Variants in RNF19A observed in about 807,000 individuals in gnomAD.
RNF19A encodes E3 ubiquitin-protein ligase RNF19A.
In RNF19A, 32 loss-of-function variants were observed where a neutral mutation model predicts 75.7. The ratio of observed to expected loss-of-function variants is 0.42; its 90% confidence interval spans 0.32 to 0.57. The LOEUF (loss-of-function observed/expected upper bound fraction) is 0.57. Ranked by LOEUF, RNF19A falls within the 20% of genes least tolerant of loss-of-function variation. The pLI is 0.10. For missense variants in RNF19A, 782 were observed against 1,036.3 expected, an observed-to-expected ratio of 0.75 and a Z score of 3.37; for synonymous variants, 335 against 345.2, an observed-to-expected ratio of 0.97 and a Z score of 0.33.
At position 100,287,497 on chromosome 8, in the gene RNF19A, T is replaced by C. The variant is rs1224229469; in HGVS notation, c.674+4A>G. 2 of 1,576,854 alleles carry C rather than the reference T, an allele frequency of 1.3e-6. No individual in the cohort carries two copies. The highest frequency in any genetic ancestry group is 1.7e-6 in the Non-Finnish European group (2 of 1,161,406). ...TCAAGAAAAATCAAACATTATCTTC[T>C]TACCCACAGTCTGGAGCTGGACACC... On this transcript the variant is annotated splice_donor_region_variant and intron_variant, in intron 2 of 9. Transcript: ENST00000341084. The surrounding 1 kb of genome is among the most constrained non-coding windows in gnomAD (Gnocchi z 4.1).
At chr8:100,290,274 G>C (rs1189699772) in intron 1 of RNF19A, among the ~76,000 whole-genome samples, 1 of 152,094 alleles carries the variant, frequency 6.6e-6, no homozygotes, top group Non-Finnish European at 1.5e-5. Flanking sequence ...GCTAATTTTT[G>C]TATTTTTAGT....
chr8:100,310,331 C>G (rs911528532), upstream of RNF19A: 22 of 804,226 alleles, frequency 2.7e-5, no homozygotes, highest in Non-Finnish European at 3.3e-5. Context: ...GGCCCCCACG[C>G]CTGTCCCTGG....
rs1822527297 is a variant in RNF19A, at chr8:100,325,867, C to T, written c.-243+10241G>A. Among the ~76,000 whole-genome samples the T allele has an allele frequency of 6.6e-6, 1 of 152,084 alleles. No individual in the cohort carries two copies. Among genetic ancestry groups the T allele is most frequent in the Non-Finnish European group, 1.5e-5 (1 of 68,028 alleles). ...TTTAACTCATTTTCTTCCTTCTCTC[C>T]TCTTTTTAAAATTTATTTAATTAAC... On this transcript the variant is annotated intron_variant, in intron 1 of 3. Coordinates refer to the RNF19A transcript ENST00000519527. The surrounding 1 kb of genome is among the most constrained non-coding windows in gnomAD (Gnocchi z 4.3).
chr8:100,316,833 C>T (rs1055514535), intron 1 of RNF19A, among the ~76,000 whole-genome samples: 2 of 152,180 alleles, frequency 1.3e-5, no homozygotes, highest in Non-Finnish European at 2.9e-5. Context: ...GGGTGGTGCT[C>T]CTGGGGGAGG....
intron 5 of RNF19A, among the ~76,000 whole-genome samples, chr8:100,265,215 A>G (rs978418771): frequency 6.6e-6 from 1 of 152,210 alleles, no homozygotes; most frequent in African/African-American, 2.4e-5. Context: ...CTTCTAGGGA[A>G]GGTTTCTTTT....
At position 100,258,666 on chromosome 8, in the gene RNF19A, C is replaced by T. The variant is rs1819564245; in HGVS notation, c.2407G>A (p.Gly803Arg). 1.2e-6 allele frequency: 2 copies of T among 1,613,872 alleles called. No individual in the cohort carries two copies. Among genetic ancestry groups the T allele is most frequent in the Admixed American group, 1.7e-5 (1 of 59,994 alleles). Residue 803 changes from glycine to arginine, a missense_variant, in exon 10 of 10, where the codon GGA becomes AGA. Gly to Arg is a moderately radical substitution (Grantham distance 125). Coordinates refer to ENST00000341084, the MANE Select transcript of RNF19A (RefSeq NM_183419.4). The surrounding 1 kb of genome is among the most constrained non-coding windows in gnomAD (Gnocchi z 4.3). ...NHIAEEHGNN[G>R]IKPNVDLYFG... ...TATAAATCAACATTAGGTTTTATTC[C>T]ATTGTTACCATGTTCTTCAGCAATA...
intron 1 of RNF19A, among the ~76,000 whole-genome samples, chr8:100,299,921 T>C (rs1006506015): frequency 2.0e-5 from 3 of 152,130 alleles, no homozygotes; most frequent in Admixed American, 2.0e-4. Context: ...AAGGACACCA[T>C]GAGTAAGGGG....
rs374764719 is a variant in RNF19A at position 100,317,104 on chromosome 8, G to A, written c.-242-3732C>T. On this transcript the variant is annotated intron_variant, in intron 1 of 3. Transcript: ENST00000519527. This position sits in a 1 kb window ranked among gnomAD's most constrained non-coding sequence, Gnocchi z 4.3. ...GCCAAGCCCACGCCCACGCCCACCC[G>A]GAACTCCAGCTGGCCCGCAAGCGCC... 3.0e-4 allele frequency among the ~76,000 whole-genome samples: 31 copies of A among 103,992 alleles called. No individual in the cohort carries two copies. The highest frequency in any genetic ancestry group is 8.7e-4 in the African/African-American group (30 of 34,426). The allele number at this position is 103,992 out of a possible 152,430, so 68.2% of individuals were successfully genotyped here. A position where few individuals can be genotyped will look rare whatever the true frequency, so the allele number is the denominator to read the frequency against.
At chr8:100,307,179 C>CA (rs1397099748) in intron 1 of RNF19A, among the ~76,000 whole-genome samples, 1 of 152,190 alleles carries the variant, frequency 6.6e-6, no homozygotes, top group African/African-American at 2.4e-5. Context: ...CTGCATTTGA[C>CA]AGTCAGTTTT....
intron 1 of RNF19A, among the ~76,000 whole-genome samples, chr8:100,334,343 C>CT (rs1193861827): frequency 5.9e-5 from 9 of 152,182 alleles, no homozygotes; most frequent in African/African-American, 1.9e-4. Context: ...TGTTTCCACA[C>CT]AGTGCTGAGC....
intron 2 of RNF19A, among the ~76,000 whole-genome samples, chr8:100,276,740 A>G (rs867132273): frequency 5.5e-4 from 83 of 152,026 alleles, no homozygotes; most frequent in Middle Eastern, 6.8e-3. Context: ...AAAAAAAAAA[A>G]AAAGAAAAAA....
At chr8:100,304,864 G>A (rs1003678111) in intron 1 of RNF19A, among the ~76,000 whole-genome samples, 5 of 152,198 alleles carry the variant, frequency 3.3e-5, no homozygotes, top group African/African-American at 9.7e-5. Flanking sequence ...TAACAGTCTT[G>A]TCTGAGTAGC....
Position 100,282,641 on chromosome 8 carries a change from A to G in RNF19A, c.674+4860T>C, listed in dbSNP as rs531507677. Among the ~76,000 whole-genome samples, 36 of 149,272 alleles carry G rather than the reference A, an allele frequency of 2.4e-4. 3 individuals are homozygous for G. The South Asian group carries it at 7.5e-3, about 31-fold the overall frequency. On this transcript the variant is annotated intron_variant, in intron 2 of 9. Coordinates refer to ENST00000341084, the MANE Select transcript of RNF19A (RefSeq NM_183419.4). ...TAAATCTGTTTTCTAAGTCCCATGTACTTGTTTTCTCTGGATAAAATCAAA... is the reference window on the plus strand; with the variant it reads ...TAAATCTGTTTTCTAAGTCCCATGTGCTTGTTTTCTCTGGATAAAATCAAA...
At chr8:100,262,084 A>T (rs945136944) in intron 7 of RNF19A, among the ~76,000 whole-genome samples, 1 of 152,222 alleles carries the variant, frequency 6.6e-6, no homozygotes, top group African/African-American at 2.4e-5. Flanking sequence ...CTAGGTCAGT[A>T]AGAATAGGCT....
intron 1 of RNF19A, among the ~76,000 whole-genome samples, chr8:100,304,741 A>G (rs960037415): frequency 1.3e-5 from 2 of 152,196 alleles, no homozygotes; most frequent in East Asian, 1.9e-4. Context: ...ACTGATTCCA[A>G]TGTGGGAGGT....
intron 1 of RNF19A, among the ~76,000 whole-genome samples, chr8:100,297,707 T>C (rs1226749614): frequency 2.0e-5 from 3 of 152,230 alleles, no homozygotes; most frequent in African/African-American, 7.2e-5. Flanking sequence ...GTACTACACA[T>C]GGTTCTTTGT....
Position 100,324,864 on chromosome 8 carries a change from CTCTT to C in RNF19A, c.-243+11240_-243+11243del, listed in dbSNP as rs1413705441. The stretch of plus-strand genomic sequence containing the variant: ...CTCCCTCCCTCCCTCCTTCCTTTCT[CTCTT>C]TCTCTTTTTTTTCTTTCTTTCTCTC... On this transcript the variant is annotated intron_variant, in intron 1 of 3. Coordinates refer to the RNF19A transcript ENST00000519527. This position sits in a 1 kb window ranked among gnomAD's most constrained non-coding sequence, Gnocchi z 4.2. Among the ~76,000 whole-genome samples, 5 of 147,180 alleles carry C rather than the reference CTCTT, an allele frequency of 3.4e-5. No homozygotes were observed. The East Asian group carries it at 6.0e-4, about 18-fold the overall frequency.
At chr8:100,310,292 C>A (rs959385456), upstream of RNF19A, 1 of 964,014 alleles carries the variant, frequency 1.0e-6, no homozygotes, top group Non-Finnish European at 1.2e-6. Context: ...GCAGGAGCCG[C>A]CCCGCTGCAC....
Position 100,284,574 on chromosome 8 carries a change from T to C in RNF19A, c.674+2927A>G, listed in dbSNP as rs1031272944. Among the ~76,000 whole-genome samples the C allele has an allele frequency of 7.2e-5, 11 of 152,150 alleles. No homozygotes were observed. The highest frequency in any genetic ancestry group is 1.6e-4 in the Non-Finnish European group (11 of 67,982). On this transcript the variant is annotated intron_variant, in intron 2 of 9. Coordinates refer to ENST00000341084, the MANE Select transcript of RNF19A (RefSeq NM_183419.4). The surrounding 1 kb of genome is among the most constrained non-coding windows in gnomAD (Gnocchi z 4.3). ...TTATATAATAATCACGTGGTTGTTT[T>C]CATAGTAACAGAGTCTAGTAAAGCA...
Sources: allele counts gnomAD v4.1 joint callset (sites outside exome capture counted in the v4.1 genomes callset), GRCh38; gene constraint gnomAD v4.1.1; non-coding constraint Gnocchi (gnomAD v3.1); transcripts MANE v1.5; gene names NCBI Gene and HGNC (gene_info 2026-07-23, HGNC 2026-07-21).